Variants in SEMA3A observed in about 807,000 individuals in gnomAD.
SEMA3A encodes the protein semaphorin-3A.
In SEMA3A, 29 loss-of-function variants were observed where a neutral mutation model predicts 97.9. The observed-to-expected ratio is 0.30, with a 90% CI of 0.22 to 0.40. SEMA3A has a LOEUF of 0.40. SEMA3A is among the 10% of genes least tolerant of loss of function. The pLI, the probability that SEMA3A is intolerant of heterozygous loss-of-function variation, is 1.00. For synonymous variants in SEMA3A, 321 were observed against 323.7 expected, an observed-to-expected ratio of 0.99 and a Z score of 0.09; for missense variants, 763 against 951.3, an observed-to-expected ratio of 0.80 and a Z score of 2.60.
At chr7:84,454,412 T>C (rs1350955485) in intron 1 of SEMA3A, among the ~76,000 whole-genome samples, 2 of 152,152 alleles carry the variant, frequency 1.3e-5, no homozygotes, top group African/African-American at 4.8e-5. Context: ...ATGCACTTTC[T>C]TTCCACCTGT....
At chr7:84,392,771 A>G (rs1021671353) in intron 1 of SEMA3A, among the ~76,000 whole-genome samples, 5 of 152,116 alleles carry the variant, frequency 3.3e-5, no homozygotes, top group African/African-American at 1.2e-4. Context: ...TGTGGTTTCA[A>G]TTTGCATCTT....
intron 5 of SEMA3A, among the ~76,000 whole-genome samples, chr7:84,051,783 T>G (rs2115623413): frequency 6.6e-6 from 1 of 152,190 alleles, no homozygotes; most frequent in East Asian, 1.9e-4. Flanking sequence ...ATCCCTGTAT[T>G]GTGCCAGTCT....
intron 1 of SEMA3A, among the ~76,000 whole-genome samples, chr7:84,492,204 C>A (rs1042849811): frequency 1.3e-5 from 2 of 151,992 alleles, no homozygotes; most frequent in Non-Finnish European, 2.9e-5. Flanking sequence ...CGGCAAAATA[C>A]AGGATTGAAT....
At chr7:84,323,424 G>A (rs562475) in intron 2 of SEMA3A, among the ~76,000 whole-genome samples, 115,621 of 151,896 alleles carry the variant, frequency 0.76, 45,094 homozygotes, top group African/African-American at 0.94. Flanking sequence ...CAGACAGACC[G>A]CCTTCAGCTA....
At position 84,154,400 on chromosome 7, in the gene SEMA3A, G is replaced by A. The variant is rs760249959; in HGVS notation, c.113-19449C>T. On this transcript the variant is annotated intron_variant, in intron 1 of 16. Coordinates refer to ENST00000265362, the MANE Select transcript of SEMA3A (RefSeq NM_006080.3). ...GAACATAAAGACAGGTGATGACGCC[G>A]GGTACGATGGCTCACGCCTGTAATC... Among the ~76,000 whole-genome samples, 22 of 152,126 alleles carry A rather than the reference G, an allele frequency of 1.4e-4. No homozygotes were observed. In the East Asian group the frequency reaches 2.3e-3, roughly 16 times the overall value.
At chr7:84,150,419 C>G (rs1796603461) in intron 1 of SEMA3A, among the ~76,000 whole-genome samples, 1 of 152,188 alleles carries the variant, frequency 6.6e-6, no homozygotes, top group Admixed American at 6.5e-5. Context: ...GAGGCATTGC[C>G]TCACTCGGGA....
intron 13 of SEMA3A, among the ~76,000 whole-genome samples, chr7:83,982,588 A>G (rs568167447): frequency 6.6e-6 from 1 of 152,332 alleles, no homozygotes; most frequent in Admixed American, 6.5e-5. Flanking sequence ...TTACATAAAT[A>G]CTGAAACATG....
At chr7:84,036,431 A>G (rs1791942212) in intron 6 of SEMA3A, among the ~76,000 whole-genome samples, 1 of 152,144 alleles carries the variant, frequency 6.6e-6, no homozygotes, top group African/African-American at 2.4e-5. Flanking sequence ...ATTGGTAGCT[A>G]CCAAATGTAG....
At chr7:84,105,626 T>C (rs2115919387) in intron 4 of SEMA3A, among the ~76,000 whole-genome samples, 1 of 152,212 alleles carries the variant, frequency 6.6e-6, no homozygotes, top group South Asian at 2.1e-4. Flanking sequence ...TGCCAGTAAG[T>C]AGAAAAGACC....
chr7:83,988,955 A>G (rs2116340500), intron 12 of SEMA3A, among the ~76,000 whole-genome samples: 1 of 150,552 alleles, frequency 6.6e-6, no homozygotes, highest in South Asian at 2.1e-4. Context: ...CACCCCCCCG[A>G]TATTCAGCTT....
chr7:84,325,764 C>A (rs1335607325), intron 2 of SEMA3A, among the ~76,000 whole-genome samples: 1 of 152,132 alleles, frequency 6.6e-6, no homozygotes, highest in Non-Finnish European at 1.5e-5. Flanking sequence ...TCAAGGAATA[C>A]AATGATGTTA....
intron 1 of SEMA3A, among the ~76,000 whole-genome samples, chr7:84,393,521 A>G (rs1803643913): frequency 6.6e-6 from 1 of 152,212 alleles, no homozygotes; most frequent in South Asian, 2.1e-4. Context: ...AACAGAATAC[A>G]GAGCACAGAA....
At chr7:84,133,518 A>G (rs1796024918) in intron 2 of SEMA3A, among the ~76,000 whole-genome samples, 1 of 152,210 alleles carries the variant, frequency 6.6e-6, no homozygotes, top group African/African-American at 2.4e-5. Flanking sequence ...ATACCAGTTC[A>G]AAGCCCTCAA....
At chr7:84,490,216 A>T (rs1806685489) in intron 1 of SEMA3A, among the ~76,000 whole-genome samples, 1 of 151,648 alleles carries the variant, frequency 6.6e-6, no homozygotes, top group African/African-American at 2.4e-5. Flanking sequence ...AAAAAAAAAA[A>T]AAATTAACTG....
chr7:84,216,469 T>C (rs1277449110), intron 3 of SEMA3A, among the ~76,000 whole-genome samples: 3 of 152,156 alleles, frequency 2.0e-5, no homozygotes, highest in Non-Finnish European at 2.9e-5. Context: ...ATTAAGAATC[T>C]ATGGTGAATA....
In SEMA3A at chr7:84,288,383, C is replaced by G. The variant is rs41391055; in HGVS notation, c.-83+18824G>C. On this transcript the variant is annotated intron_variant, in intron 3 of 3. Transcript: ENST00000424555. ...TTACATCATTTTAAAATAGTCAGGA[C>G]ATAAGATATTTAATCTAATCAATGC... Among the ~76,000 whole-genome samples the G allele has an allele frequency of 0.013, 1,916 of 152,238 alleles. 63 individuals are homozygous for G. In the East Asian group the frequency reaches 0.14, roughly 11 times the overall value.
intron 1 of SEMA3A, among the ~76,000 whole-genome samples, chr7:84,456,920 C>T (rs1805701052): frequency 6.6e-6 from 1 of 151,518 alleles, no homozygotes; most frequent in African/African-American, 2.4e-5. Flanking sequence ...GGCTAATGGA[C>T]CCTAAGTTAC....
intron 1 of SEMA3A, among the ~76,000 whole-genome samples, chr7:84,424,790 T>C (rs1455866095): frequency 3.0e-5 from 3 of 101,434 alleles, no homozygotes; most frequent in African/African-American, 1.2e-4. Flanking sequence ...TATTTATATA[T>C]AAATAATTTA....
At chr7:84,068,890 G>T (rs1583912986) in intron 4 of SEMA3A, among the ~76,000 whole-genome samples, 1 of 152,028 alleles carries the variant, frequency 6.6e-6, no homozygotes. Context: ...GTTGAAAGCT[G>T]GCATCCCTTT....
Sources: gnomAD v4.1 joint callset for allele counts (sites outside exome capture counted in the v4.1 genomes callset) on GRCh38, gnomAD v4.1.1 for gene constraint, MANE v1.5 for transcripts, NCBI Gene and HGNC (gene_info 2026-07-23, HGNC 2026-07-21) for gene names.